Variants in GPR63 observed in about 807,000 individuals in gnomAD.
The protein encoded by GPR63 is G protein-coupled receptor 63.
GPR63 carries 12 observed loss-of-function variants against 23.1 expected under a neutral mutation model. The observed-to-expected ratio is 0.52, with a 90% CI of 0.33 to 0.84. The LOEUF (loss-of-function observed/expected upper bound fraction) is 0.84. Among genes scored for constraint, GPR63 ranks in the 40% least tolerant of loss-of-function variants. The probability of loss-of-function intolerance (pLI) is 0.02; values close to 1 mark genes in which losing one functional copy is unlikely to be tolerated. For synonymous variants in GPR63, 172 were observed against 191.1 expected (o/e 0.90, Z 0.82); for missense variants, 472 against 515.6 (o/e 0.92, Z 0.82).
chr6:96,800,719 G>A (rs1004997005), intron 1 of GPR63, among the ~76,000 whole-genome samples: 3 of 151,944 alleles, frequency 2.0e-5, no homozygotes, highest in African/African-American at 7.3e-5. Flanking sequence ...TTTCTTTTCT[G>A]ATATGTATAC....
chr6:96,800,092 T>C (rs774288882), intron 1 of GPR63, among the ~76,000 whole-genome samples: 1 of 152,316 alleles, frequency 6.6e-6, no homozygotes, highest in African/African-American at 2.4e-5. Context: ...CATTCATATA[T>C]AAAGCAAAAG....
intron 1 of GPR63, among the ~76,000 whole-genome samples, chr6:96,818,257 T>C (rs936496369): frequency 6.6e-6 from 1 of 150,942 alleles, no homozygotes; most frequent in African/African-American, 2.4e-5. Flanking sequence ...AGGTCAGGAG[T>C]TCAAGACCAG....
chr6:96,824,173 T>A (rs1774378339), intron 1 of GPR63, among the ~76,000 whole-genome samples: 1 of 151,984 alleles, frequency 6.6e-6, no homozygotes, highest in Non-Finnish European at 1.5e-5. Context: ...AAAGAATAGG[T>A]CCTGGGGAAT....
At chr6:96,822,996 G>A (rs760471953) in intron 1 of GPR63, among the ~76,000 whole-genome samples, 1 of 152,092 alleles carries the variant, frequency 6.6e-6, no homozygotes, top group South Asian at 2.1e-4. Flanking sequence ...TAATGACATC[G>A]TAGCCATCAT....
chr6:96,809,222 A>T (rs532290867), intron 1 of GPR63, among the ~76,000 whole-genome samples: 1 of 152,178 alleles, frequency 6.6e-6, no homozygotes, highest in East Asian at 1.9e-4. Flanking sequence ...TACAACTTCC[A>T]TCTCTAACCC....
intron 1 of GPR63, 44 bp from the exon 2 acceptor site, chr6:96,799,925 T>A: frequency 1.7e-6 from 1 of 603,824 alleles, no homozygotes; most frequent in Non-Finnish European, 3.0e-6. Context: ...AGAAATGAGA[T>A]TTGCAAATAA....
At chr6:96,819,708 A>G (rs1403610987) in intron 1 of GPR63, among the ~76,000 whole-genome samples, 1 of 151,112 alleles carries the variant, frequency 6.6e-6, no homozygotes, top group Non-Finnish European at 1.5e-5. Flanking sequence ...GAAAAAGAAA[A>G]ACCCAACTAA....
Position 96,798,970 on chromosome 6 carries a change from G to C in GPR63, c.762C>G (p.Pro254=). The C allele has an allele frequency of 3.1e-6, 5 of 1,614,162 alleles. No homozygotes were observed. Among genetic ancestry groups the C allele is most frequent in the Non-Finnish European group, 4.2e-6 (5 of 1,180,034 alleles). The change falls in exon 2 of 2, where the codon CCC becomes CCG. Residue 254 remains proline (P), a synonymous_variant. Transcript: ENST00000229955. ...ILISLISFFI[P]FLVILYSFMG... ...TAAATGAGTACAGTATTACCAGGAAGGGTATGAAGAAAGAAATGAGAGAAA... is the reference window on the plus strand; with the variant it reads ...TAAATGAGTACAGTATTACCAGGAACGGTATGAAGAAAGAAATGAGAGAAA...
chr6:96,837,113 G>A (rs1477173922), intron 1 of GPR63, among the ~76,000 whole-genome samples, 155 bp downstream of exon 1: 3 of 152,136 alleles, frequency 2.0e-5, no homozygotes, highest in African/African-American at 7.2e-5. Context: ...AAGCTTCTCC[G>A]GCACAACTTC....
At chr6:96,829,966 A>G (rs6568624) in intron 1 of GPR63, among the ~76,000 whole-genome samples, 40,954 of 152,106 alleles carry the variant, frequency 0.27, 5,563 homozygotes, top group South Asian at 0.31. Flanking sequence ...TATACAATAA[A>G]TTAACAAAAA....
At chr6:96,827,917 A>G (rs1005928922) in intron 1 of GPR63, among the ~76,000 whole-genome samples, 16 of 152,154 alleles carry the variant, frequency 1.1e-4, no homozygotes, top group African/African-American at 3.9e-4. Flanking sequence ...AAGGTCTGAT[A>G]GACAAGAAGA....
At chr6:96,809,019 G>A in intron 1 of GPR63, among the ~76,000 whole-genome samples, 1 of 145,446 alleles carries the variant, frequency 6.9e-6, no homozygotes, top group East Asian at 2.1e-4. Context: ...AATTCTTCAA[G>A]ATGGTTTTAT....
intron 1 of GPR63, among the ~76,000 whole-genome samples, chr6:96,818,461 T>A (rs912233331): frequency 2.0e-5 from 3 of 151,288 alleles, no homozygotes; most frequent in Non-Finnish European, 2.9e-5. Flanking sequence ...AAAACTCCCA[T>A]TCAAAAAAAA....
chr6:96,802,129 AC>A (rs1384847285), intron 1 of GPR63, among the ~76,000 whole-genome samples: 2 of 152,222 alleles, frequency 1.3e-5, no homozygotes, highest in African/African-American at 4.8e-5. Flanking sequence ...GTACTACCAC[AC>A]TGTTTAAAAT....
At chr6:96,801,737 G>A (rs771694769) in intron 1 of GPR63, among the ~76,000 whole-genome samples, 4 of 152,014 alleles carry the variant, frequency 2.6e-5, no homozygotes, top group Non-Finnish European at 4.4e-5. Flanking sequence ...TCACTTCTAC[G>A]GTTTAATTTC....
intron 1 of GPR63, among the ~76,000 whole-genome samples, chr6:96,822,942 T>A (rs1324424924): frequency 6.6e-6 from 1 of 152,152 alleles, no homozygotes; most frequent in Admixed American, 6.5e-5. Flanking sequence ...AGCTGAAAAA[T>A]TCCTTTCATA....
In GPR63 at chr6:96,823,446, ATAGAC is replaced by A. The variant is rs1442133297; in HGVS notation, c.-151+13817_-151+13821del. Among the ~76,000 whole-genome samples the A allele has an allele frequency of 2.0e-4, 30 of 152,306 alleles. 1 individual carries two copies. Among genetic ancestry groups the A allele is most frequent in the African/African-American group, 6.0e-4 (25 of 41,576 alleles). On this transcript the variant is annotated intron_variant, in intron 1 of 1. Transcript: ENST00000229955. ...ACAAAATTTTAATAGAAAAAGGCAT[ATAGAC>A]TAAAGATATAATGAAAACATTTGCA...
At chr6:96,836,749 A>T (rs1166890925) in intron 1 of GPR63, among the ~76,000 whole-genome samples, 1 of 152,136 alleles carries the variant, frequency 6.6e-6, no homozygotes, top group Non-Finnish European at 1.5e-5. Context: ...AAGCTGAACC[A>T]CATGGAAGAG....
chr6:96,803,910 C>A (rs1171201708), intron 1 of GPR63, among the ~76,000 whole-genome samples: 1 of 152,150 alleles, frequency 6.6e-6, no homozygotes, highest in Non-Finnish European at 1.5e-5. Flanking sequence ...AAATGTTTAA[C>A]AAATCTTCCA....
Sources: allele counts gnomAD v4.1 joint callset (sites outside exome capture counted in the v4.1 genomes callset), GRCh38; gene constraint gnomAD v4.1.1; transcripts MANE v1.5; gene names NCBI Gene and HGNC (gene_info 2026-07-23, HGNC 2026-07-21).